The following CDH10 variants were observed in gnomAD, a reference collection of about 807,000 sequenced individuals.
CDH10 encodes the protein cadherin 10, also known as cadherin-10.
CDH10 carries 30 observed loss-of-function variants against 73.1 expected under a neutral mutation model. The observed-to-expected ratio is 0.41, with a 90% CI of 0.31 to 0.56. CDH10 has a LOEUF of 0.56. Ranked by LOEUF, CDH10 falls within the 20% of genes least tolerant of loss-of-function variation. The probability of loss-of-function intolerance (pLI) is 0.27; values close to 1 mark genes in which losing one functional copy is unlikely to be tolerated. For synonymous variants in CDH10, 345 were observed against 348.2 expected (o/e 0.99, Z 0.10); for missense variants, 815 against 973.7 (o/e 0.84, Z 2.17).
At chr5:24,615,949 A>G (rs374336018) in intron 1 of CDH10, among the ~76,000 whole-genome samples, 2 of 152,092 alleles carry the variant, frequency 1.3e-5, no homozygotes, top group Admixed American at 1.3e-4. Context: ...AGTGTTTTTC[A>G]TTTATCCCTT....
intron 1 of CDH10, among the ~76,000 whole-genome samples, chr5:24,616,848 T>A (rs1289002608): frequency 2.6e-5 from 4 of 152,212 alleles, no homozygotes; most frequent in Admixed American, 2.0e-4. Flanking sequence ...TCAGAGTGCA[T>A]ATACTATTTT....
At chr5:24,547,690 T>C (rs149853745) in intron 2 of CDH10, among the ~76,000 whole-genome samples, 59 of 152,316 alleles carry the variant, frequency 3.9e-4, no homozygotes, top group Middle Eastern at 6.8e-3. Context: ...GATTCAATTT[T>C]GTTTTTTAAG....
At position 24,507,732 on chromosome 5, in the gene CDH10, C is replaced by T. The variant is rs114538633; in HGVS notation, c.1256+1834G>A. Among the ~76,000 whole-genome samples, 441 of 151,428 alleles carry T rather than the reference C, an allele frequency of 2.9e-3. 1 individual carries two copies. Among genetic ancestry groups the T allele is most frequent in the African/African-American group, 0.01 (429 of 41,278 alleles). ...AAATATTTAATGAAGAAAATTAGGC[C>T]TGTGTATTGGTTATATAAAACTTTC... is the stretch of plus-strand genomic sequence containing the variant. On this transcript the variant is annotated intron_variant, in intron 7 of 11. Coordinates refer to ENST00000264463, the MANE Select transcript of CDH10 (RefSeq NM_006727.5).
intron 2 of CDH10, among the ~76,000 whole-genome samples, chr5:24,557,941 T>C (rs1229425090): frequency 6.6e-6 from 1 of 151,794 alleles, no homozygotes; most frequent in Non-Finnish European, 1.5e-5. Flanking sequence ...AGCAGTTTTA[T>C]ATTTGGCTTA....
At chr5:24,564,610 A>G (rs574519150) in intron 2 of CDH10, among the ~76,000 whole-genome samples, 61 of 152,304 alleles carry the variant, frequency 4.0e-4, no homozygotes, top group Admixed American at 2.4e-3. Flanking sequence ...ACATTTTTAT[A>G]TCAATCTGAA....
At position 24,556,733 on chromosome 5, in the gene CDH10, A is replaced by G. The variant is rs1395819892; in HGVS notation, c.232-19059T>C. On this transcript the variant is annotated intron_variant, in intron 2 of 11. Coordinates refer to ENST00000264463, the MANE Select transcript of CDH10 (RefSeq NM_006727.5). ...GAGAATTATAAGAAACAGAATTAAA[A>G]TATTTACACAATTTAATAAAATATT... Among the ~76,000 whole-genome samples, 3 of 151,778 alleles carry G rather than the reference A, an allele frequency of 2.0e-5. No homozygotes were observed. The South Asian group carries it at 6.2e-4, about 31-fold the overall frequency.
At chr5:24,607,345 T>C (rs752769776) in intron 1 of CDH10, among the ~76,000 whole-genome samples, 5 of 151,986 alleles carry the variant, frequency 3.3e-5, no homozygotes, top group Non-Finnish European at 7.4e-5. Flanking sequence ...GACTTACAAG[T>C]ATATGATGGA....
chr5:24,533,813 C>G (rs1047471734), intron 5 of CDH10, among the ~76,000 whole-genome samples: 1 of 151,864 alleles, frequency 6.6e-6, no homozygotes, highest in Admixed American at 6.6e-5. Context: ...GAGCTGAAAC[C>G]TAATTAATTG....
At chr5:24,502,752 C>T (rs936837100) in intron 8 of CDH10, among the ~76,000 whole-genome samples, 4 of 152,062 alleles carry the variant, frequency 2.6e-5, no homozygotes, top group African/African-American at 7.2e-5. Flanking sequence ...GTTCACTAGG[C>T]TTGAATAAGG....
At chr5:24,595,451 A>C (rs1025689274) in intron 1 of CDH10, among the ~76,000 whole-genome samples, 4 of 152,104 alleles carry the variant, frequency 2.6e-5, no homozygotes, top group Admixed American at 6.6e-5. Flanking sequence ...GTACAGCATG[A>C]TAGATGGAAA....
At chr5:24,584,724 C>T (rs888316747) in intron 2 of CDH10, among the ~76,000 whole-genome samples, 2 of 151,966 alleles carry the variant, frequency 1.3e-5, no homozygotes, top group East Asian at 1.9e-4. Context: ...CCGCCTTGGC[C>T]TCCCGAAGTG....
At chr5:24,504,356 TC>T (rs1742604301) in intron 8 of CDH10, among the ~76,000 whole-genome samples, 1 of 151,972 alleles carries the variant, frequency 6.6e-6, no homozygotes, top group African/African-American at 2.4e-5. Context: ...TCATTTATGC[TC>T]TCCATATACA....
intron 5 of CDH10, among the ~76,000 whole-genome samples, chr5:24,529,824 A>G (rs942078476): frequency 1.3e-5 from 2 of 151,854 alleles, no homozygotes; most frequent in Non-Finnish European, 2.9e-5. Flanking sequence ...CTATTTGTCA[A>G]CCTAAATTGT....
At chr5:24,501,399 A>G (rs1017087666) in intron 8 of CDH10, among the ~76,000 whole-genome samples, 6 of 145,830 alleles carry the variant, frequency 4.1e-5, no homozygotes, top group African/African-American at 1.5e-4. Context: ...CAGTGCTTAC[A>G]CTAATTTTTT....
chr5:24,568,866 C>G (rs1361228234), intron 2 of CDH10, among the ~76,000 whole-genome samples: 2 of 152,030 alleles, frequency 1.3e-5, no homozygotes, highest in Non-Finnish European at 2.9e-5. Context: ...AATCCCAGCA[C>G]TTTGGGAGGC....
At chr5:24,638,315 G>T (rs1299584258) in intron 1 of CDH10, among the ~76,000 whole-genome samples, 1 of 151,444 alleles carries the variant, frequency 6.6e-6, no homozygotes. Context: ...AGACAAGAAA[G>T]TCTCAGAAAA....
intron 1 of CDH10, among the ~76,000 whole-genome samples, chr5:24,625,826 T>C (rs1202474143): frequency 2.0e-5 from 3 of 151,716 alleles, no homozygotes; most frequent in African/African-American, 7.3e-5. Flanking sequence ...CATTTTTAAG[T>C]ATTAATCTTT....
intron 1 of CDH10, among the ~76,000 whole-genome samples, chr5:24,633,190 A>T (rs940392471): frequency 7.3e-5 from 11 of 151,652 alleles, no homozygotes; most frequent in African/African-American, 2.4e-4. Flanking sequence ...GTCAATGCTT[A>T]TTTTCATTTT....
chr5:24,553,784 C>G (rs1744641088), intron 2 of CDH10, among the ~76,000 whole-genome samples: 1 of 151,998 alleles, frequency 6.6e-6, no homozygotes, highest in African/African-American at 2.4e-5. Flanking sequence ...AATTCCTCTT[C>G]CCTTGAATAT....
Sources: allele counts gnomAD v4.1 joint callset (sites outside exome capture counted in the v4.1 genomes callset), GRCh38; gene constraint gnomAD v4.1.1; transcripts MANE v1.5; gene names NCBI Gene and HGNC (gene_info 2026-07-23, HGNC 2026-07-21).